Variants in CDKAL1 observed in about 807,000 individuals in gnomAD.
The protein encoded by CDKAL1 is CDKAL1 threonylcarbamoyladenosine tRNA methylthiotransferase.
In CDKAL1, 32 loss-of-function variants were observed where a neutral mutation model predicts 68.2. That is an observed-to-expected ratio of 0.47 (90% CI 0.35 to 0.63). The LOEUF is 0.63. Ranked by LOEUF, CDKAL1 falls within the 30% of genes least tolerant of loss-of-function variation. The pLI, the probability that CDKAL1 is intolerant of heterozygous loss-of-function variation, is 0.00. For synonymous variants in CDKAL1, 234 were observed against 244.3 expected (o/e 0.96, Z 0.39); for missense variants, 606 against 696.7 (o/e 0.87, Z 1.47).
chr6:20,831,621 G>A (rs1371516166), intron 8 of CDKAL1, among the ~76,000 whole-genome samples: 1 of 151,946 alleles, frequency 6.6e-6, no homozygotes, highest in East Asian at 1.9e-4. Context: ...TTTGGCTTTG[G>A]GAAGTGCTTT....
intron 13 of CDKAL1, among the ~76,000 whole-genome samples, chr6:21,193,699 C>T (rs1778350720): frequency 6.6e-6 from 1 of 152,174 alleles, no homozygotes; most frequent in Non-Finnish European, 1.5e-5. Context: ...TTGGGTTCTG[C>T]TAGAACTGTG....
chr6:21,165,432 A>T (rs1433182703), intron 13 of CDKAL1, among the ~76,000 whole-genome samples: 1 of 152,214 alleles, frequency 6.6e-6, no homozygotes, highest in Non-Finnish European at 1.5e-5. Context: ...TTCTAAAAGG[A>T]TATAGCAAAT....
intron 13 of CDKAL1, among the ~76,000 whole-genome samples, chr6:21,110,126 A>C (rs879566149): frequency 2.6e-5 from 4 of 152,202 alleles, no homozygotes; most frequent in Non-Finnish European, 5.9e-5. Context: ...TTGGTAATAA[A>C]TTATTGTAAA....
chr6:20,909,185 ATG>A (rs57042223), intron 9 of CDKAL1, among the ~76,000 whole-genome samples: 47,465 of 118,840 alleles, frequency 0.4, 7,399 homozygotes, highest in African/African-American at 0.45. Flanking sequence ...GTGTGCATGT[ATG>A]TGTGTGTGTG....
At position 20,966,309 on chromosome 6, in the gene CDKAL1, G is replaced by A. The variant is rs1026820468; in HGVS notation, c.909+10724G>A. Among the ~76,000 whole-genome samples the A allele has an allele frequency of 2.0e-5, 3 of 152,226 alleles. No homozygotes were observed. In the South Asian group the frequency reaches 6.2e-4, roughly 32 times the overall value. ...AAAATGTTAAGCTTTCAAAATTTAA[G>A]TTCAAAAATTCTTTAATATCATTTA... On this transcript the variant is annotated intron_variant, in intron 10 of 15. Transcript: ENST00000274695.
intron 9 of CDKAL1, among the ~76,000 whole-genome samples, chr6:20,876,587 T>C (rs1003232458): frequency 2.0e-5 from 3 of 152,206 alleles, no homozygotes; most frequent in Admixed American, 6.5e-5. Context: ...CCTAAAACTT[T>C]TATTTTGAGC....
Position 20,566,106 on chromosome 6 carries a change from A to G in CDKAL1, c.286+17401A>G, listed in dbSNP as rs74990062. The stretch of plus-strand genomic sequence containing the variant: ...CATACCCTGGCTGTCCATAATTCCA[A>G]TTTTGGGTAGGTAGTAAAATGTGAT... On this transcript the variant is annotated intron_variant, in intron 4 of 15. Transcript: ENST00000274695. 4.2e-3 allele frequency among the ~76,000 whole-genome samples: 635 copies of G among 152,186 alleles called. 8 individuals are homozygous for G. Among genetic ancestry groups the G allele is most frequent in the African/African-American group, 0.014 (600 of 41,538 alleles).
intron 13 of CDKAL1, among the ~76,000 whole-genome samples, chr6:21,178,357 C>T (rs1452507359): frequency 5.3e-5 from 8 of 152,010 alleles, no homozygotes; most frequent in Non-Finnish European, 8.8e-5. Context: ...TTTGTAAATC[C>T]ATTACCATTT....
intron 7 of CDKAL1, among the ~76,000 whole-genome samples, chr6:20,768,522 G>T (rs1375099663): frequency 6.6e-6 from 1 of 152,124 alleles, no homozygotes; most frequent in African/African-American, 2.4e-5. Flanking sequence ...GAAGATGTTT[G>T]TGGCAGAGGT....
intron 4 of CDKAL1, among the ~76,000 whole-genome samples, chr6:20,606,760 C>A (rs888599266): frequency 6.6e-5 from 10 of 152,184 alleles, no homozygotes; most frequent in African/African-American, 2.4e-4. Flanking sequence ...TCATGAGATG[C>A]TTCGTAAAAT....
chr6:20,786,349 A>T (rs1034636110), intron 8 of CDKAL1, among the ~76,000 whole-genome samples: 1 of 152,210 alleles, frequency 6.6e-6, no homozygotes, highest in African/African-American at 2.4e-5. Context: ...GTGGATATTT[A>T]TGTAGAATTT....
At chr6:20,579,871 G>A (rs1765070842) in intron 4 of CDKAL1, among the ~76,000 whole-genome samples, 1 of 152,176 alleles carries the variant, frequency 6.6e-6, no homozygotes, top group Admixed American at 6.5e-5. Context: ...TCACAAAATA[G>A]ATCTTAAAAT....
intron 8 of CDKAL1, among the ~76,000 whole-genome samples, chr6:20,801,805 T>C (rs1321761205): frequency 6.6e-6 from 1 of 152,160 alleles, no homozygotes; most frequent in Non-Finnish European, 1.5e-5. Context: ...ATTTTCTGTG[T>C]TGAGATCAAA....
intron 13 of CDKAL1, among the ~76,000 whole-genome samples, chr6:21,140,646 G>A (rs559982312): frequency 2.0e-5 from 3 of 152,244 alleles, no homozygotes; most frequent in South Asian, 2.1e-4. Flanking sequence ...CCCAGGGGCC[G>A]GAGATGCTAA....
intron 7 of CDKAL1, among the ~76,000 whole-genome samples, chr6:20,775,411 C>T (rs1775131335): frequency 6.6e-6 from 1 of 152,156 alleles, no homozygotes; most frequent in South Asian, 2.1e-4. Flanking sequence ...CAGTGAGCAG[C>T]CATTCTTTTT....
chr6:20,806,014 G>T (rs545385277), intron 8 of CDKAL1, among the ~76,000 whole-genome samples: 1 of 152,076 alleles, frequency 6.6e-6, no homozygotes, highest in Non-Finnish European at 1.5e-5. Context: ...CAACTTTTAG[G>T]TTCAGCAATG....
chr6:20,957,618 G>T (rs781453785), intron 10 of CDKAL1, among the ~76,000 whole-genome samples: 1 of 152,126 alleles, frequency 6.6e-6, no homozygotes, highest in Admixed American at 6.5e-5. Flanking sequence ...TGTTATATCT[G>T]TCTGTGGATC....
chr6:20,550,482 TA>T (rs1763775838), intron 4 of CDKAL1, among the ~76,000 whole-genome samples: 1 of 152,166 alleles, frequency 6.6e-6, no homozygotes, highest in Non-Finnish European at 1.5e-5. Context: ...CAAAATGTTC[TA>T]ATCTCTCATA....
intron 13 of CDKAL1, among the ~76,000 whole-genome samples, chr6:21,123,583 CCTGT>C (rs1774836067): frequency 6.6e-6 from 1 of 152,318 alleles, no homozygotes; most frequent in African/African-American, 2.4e-5. Flanking sequence ...AAAAACTCAA[CCTGT>C]CTTTTACAGT....
Sources: gnomAD v4.1 joint callset for allele counts (sites outside exome capture counted in the v4.1 genomes callset) on GRCh38, gnomAD v4.1.1 for gene constraint, MANE v1.5 for transcripts, NCBI Gene and HGNC (gene_info 2026-07-23, HGNC 2026-07-21) for gene names.